The following EIF2B1 variants were observed in gnomAD, a reference collection of about 807,000 sequenced individuals.
The protein encoded by EIF2B1 is eukaryotic translation initiation factor 2B subunit alpha.
Under a neutral mutation model 36.8 loss-of-function variants are expected in EIF2B1, and 30 were observed. The ratio of observed to expected loss-of-function variants is 0.81; its 90% CI spans 0.61 to 1.10. EIF2B1 has a LOEUF of 1.10. Among genes scored for constraint, EIF2B1 ranks in the 50% least tolerant of loss-of-function variants. The pLI is 0.00. For synonymous variants in EIF2B1, 139 were observed against 142.2 expected, an observed-to-expected ratio of 0.98 and a Z score of 0.16; for missense variants, 271 against 374.8, an observed-to-expected ratio of 0.72 and a Z score of 2.29.
chr12:123,628,057 G>A (rs73416206), intron 4 of EIF2B1, among the ~76,000 whole-genome samples: 1,617 of 152,202 alleles, frequency 0.011, 31 homozygotes, highest in African/African-American at 0.036. Context: ...GACATAATCT[G>A]TTTTCTTTTC....
chr12:123,626,502 G>A lies in EIF2B1; in HGVS notation c.483-9C>T. ...CTTTGGCCATTTTCTTACTGAAGAT[G>A]ACATTTTGAGAACGTTAGAGAAAGT... On this transcript the variant is annotated splice_polypyrimidine_tract_variant and intron_variant, in intron 5 of 8. Coordinates refer to ENST00000424014, the MANE Select transcript of EIF2B1 (RefSeq NM_001414.4). 1 of 1,613,826 alleles carries A rather than the reference G, an allele frequency of 6.2e-7. No homozygotes were observed. Among genetic ancestry groups the A allele is most frequent in the Non-Finnish European group, 8.5e-7 (1 of 1,179,740 alleles).
rs1273908870 is a variant in EIF2B1, at chr12:123,630,525, T to C, written c.124A>G (p.Ile42Val). 8.1e-6 allele frequency: 13 copies of C among 1,612,454 alleles called. No individual in the cohort carries two copies. The highest frequency in any genetic ancestry group is 5.0e-5 in the Admixed American group (3 of 59,992). The change falls in exon 3 of 9, where the codon ATC becomes GTC. Residue 42 changes from isoleucine (I) to valine (V), a missense_variant. By Grantham distance (29) the Ile-to-Val change is conservative. Transcript: ENST00000424014. The surrounding 1 kb of genome is among the most constrained non-coding windows in gnomAD (Gnocchi z 4.6). ...GTGAGATTCGCCCTCAGACCCTGGA[T>C]TGTCTCCCCTGGAATGATCCAACAA... ...EFLKRDKGET[I>V]QGLRANLTSA...
chr12:123,627,276 C>A (rs1227982782), intron 4 of EIF2B1, 120 bp from the exon 5 acceptor site: 3 of 831,090 alleles, frequency 3.6e-6, no homozygotes, highest in Non-Finnish European at 6.1e-6. Context: ...CACAAATCAA[C>A]CACAACCAGA....
In EIF2B1 at chr12:123,621,473, C is replaced by A. The variant is rs1955097776; in HGVS notation, c.*283G>T. 2.3e-6 allele frequency: 1 copy of A among 430,656 alleles called. No individual in the cohort carries two copies. The highest frequency in any genetic ancestry group is 3.5e-5 in the Admixed American group (1 of 28,788). The allele number at this position is 430,656 out of a possible 1,614,324, so 26.7% of individuals were successfully genotyped here. On this transcript the variant is annotated 3_prime_UTR_variant, in exon 9 of 9. Coordinates refer to ENST00000424014, the MANE Select transcript of EIF2B1 (RefSeq NM_001414.4). ...AGGTGGACTTGGGCTCATCTTTCAT[C>A]AGTTAAGTAGCCAATTATCTAACTT...
chr12:123,632,286 G>T, intron 2 of EIF2B1, 59 bp downstream of exon 2: 7 of 916,406 alleles, frequency 7.6e-6, no homozygotes, highest in Non-Finnish European at 9.8e-6. Context: ...AAAAAAAAAA[G>T]AAAAGAAAAA....
rs754382992 is a variant in EIF2B1 at position 123,630,143 on chromosome 12, T to C, written c.369+26A>G. 1 of 1,605,622 alleles carries C rather than the reference T, an allele frequency of 6.2e-7. No individual in the cohort carries two copies. The highest frequency in any genetic ancestry group is 8.5e-7 in the Non-Finnish European group (1 of 1,173,002). ...CGGACTCGAAACCGTTGCTCCTCCT[T>C]ACCACCATGATGATTATCCACTCAC... On this transcript the variant is annotated intron_variant, in intron 4 of 8. Transcript: ENST00000424014. This position sits in a 1 kb window ranked among gnomAD's most constrained non-coding sequence, Gnocchi z 4.6.
intron 6 of EIF2B1, among the ~76,000 whole-genome samples, chr12:123,625,231 A>G (rs1213626255): frequency 6.6e-6 from 1 of 152,176 alleles, no homozygotes; most frequent in Non-Finnish European, 1.5e-5. Context: ...CTGAAGTTGG[A>G]CAAAAGTGTT....
intron 4 of EIF2B1, 57 bp from the exon 5 acceptor site, chr12:123,627,213 C>T (rs1156741020): frequency 2.2e-6 from 3 of 1,342,294 alleles, no homozygotes; most frequent in Non-Finnish European, 1.1e-6. Flanking sequence ...CACTCACACC[C>T]TCTGCACTGC....
At chr12:123,624,631 T>C (rs1015132591) in intron 7 of EIF2B1, among the ~76,000 whole-genome samples, 156 bp downstream of exon 7, 8 of 152,168 alleles carry the variant, frequency 5.3e-5, no homozygotes, top group Admixed American at 6.5e-5. Flanking sequence ...CCCATTGCTA[T>C]GACTTACGGG....
chr12:123,630,010 A>G lies in EIF2B1; in HGVS notation c.369+159T>C. 2.7e-6 allele frequency: 2 copies of G among 727,782 alleles called. No individual in the cohort carries two copies. 45.1% of individuals were successfully genotyped at this position (727,782 alleles called of 1,614,324 possible). A position where few individuals can be genotyped will look rare whatever the true frequency, so the allele number is the denominator to read the frequency against. ...ACAACAACCCAAGGAGGTAGGTACTATTGTCATCCTTATTTAACAGATGAG... is the reference window on the plus strand; with the variant it reads ...ACAACAACCCAAGGAGGTAGGTACTGTTGTCATCCTTATTTAACAGATGAG... On this transcript the variant is annotated intron_variant, in intron 4 of 8. Coordinates refer to ENST00000424014, the MANE Select transcript of EIF2B1 (RefSeq NM_001414.4). This position sits in a 1 kb window ranked among gnomAD's most constrained non-coding sequence, Gnocchi z 4.6.
Position 123,630,142 on chromosome 12 carries a change from T to G in EIF2B1, c.369+27A>C. On this transcript the variant is annotated intron_variant, in intron 4 of 8. Coordinates refer to ENST00000424014, the MANE Select transcript of EIF2B1 (RefSeq NM_001414.4). The surrounding 1 kb of genome is among the most constrained non-coding windows in gnomAD (Gnocchi z 4.6). ...TCGGACTCGAAACCGTTGCTCCTCC[T>G]TACCACCATGATGATTATCCACTCA... 6.2e-7 allele frequency: 1 copy of G among 1,605,500 alleles called. No homozygotes were observed. The highest frequency in any genetic ancestry group is 8.5e-7 in the Non-Finnish European group (1 of 1,172,898).
intron 4 of EIF2B1, among the ~76,000 whole-genome samples, chr12:123,628,247 G>A (rs1440213892): frequency 6.6e-6 from 1 of 151,872 alleles, no homozygotes; most frequent in African/African-American, 2.4e-5. Flanking sequence ...TGTAGAGACA[G>A]GGCCTCTCTC....
At chr12:123,629,661 T>G (rs1955173532) in intron 4 of EIF2B1, among the ~76,000 whole-genome samples, 1 of 151,988 alleles carries the variant, frequency 6.6e-6, no homozygotes, top group Non-Finnish European at 1.5e-5. Context: ...GGCTTGCTGG[T>G]GGGCACCTGT....
chr12:123,626,055 C>T (rs767287569), intron 6 of EIF2B1: 18 of 258,676 alleles, frequency 7.0e-5, no homozygotes, highest in Non-Finnish European at 1.4e-4. Context: ...ATCGCTTGAA[C>T]CTGGGAGGTG....
intron 5 of EIF2B1, 129 bp downstream of exon 5, chr12:123,626,915 A>C: frequency 4.9e-6 from 4 of 824,568 alleles, no homozygotes; most frequent in Non-Finnish European, 8.3e-6. Context: ...AGGAAAAGGT[A>C]CAATGAAAGG....
chr12:123,622,770 G>A lies in EIF2B1; in HGVS notation c.628-9C>T. ...ATCTGGTTGGTTCCAATCTGGGAAGGCAGAAAATGGAATGGATGAGCTCTA... is the reference window on the plus strand; with the variant it reads ...ATCTGGTTGGTTCCAATCTGGGAAGACAGAAAATGGAATGGATGAGCTCTA... On this transcript the variant is annotated splice_polypyrimidine_tract_variant and intron_variant, in intron 7 of 8. Coordinates refer to ENST00000424014, the MANE Select transcript of EIF2B1 (RefSeq NM_001414.4). 1 of 1,613,396 alleles carries A rather than the reference G, an allele frequency of 6.2e-7. No homozygotes were observed. The highest frequency in any genetic ancestry group is 8.5e-7 in the Non-Finnish European group (1 of 1,179,560).
rs114731186 is a variant in EIF2B1 at position 123,625,468 on chromosome 12, G to A, written c.552-606C>T. On this transcript the variant is annotated intron_variant, in intron 6 of 8. Transcript: ENST00000424014. ...TGGTCTCCAACTCCTGAACTCTAGC[G>A]ATCCACCTGCCTCAGGTATGAGCCA... Among the ~76,000 whole-genome samples, 1,069 of 152,124 alleles carry A rather than the reference G, an allele frequency of 7.0e-3. 8 individuals carry two copies. The highest frequency in any genetic ancestry group is 0.024 in the African/African-American group (1,002 of 41,498).
chr12:123,625,445 G>A (rs1197191981), intron 6 of EIF2B1, among the ~76,000 whole-genome samples: 2 of 152,008 alleles, frequency 1.3e-5, no homozygotes, highest in African/African-American at 4.8e-5. Flanking sequence ...GCCCAGGCTG[G>A]TCTCCAACTC....
intron 1 of EIF2B1, among the ~76,000 whole-genome samples, chr12:123,633,047 A>C (rs1174002306): frequency 2.6e-5 from 4 of 151,616 alleles, no homozygotes; most frequent in Admixed American, 2.6e-4. Context: ...TTGGTCCTAA[A>C]ATCTGAGAGG....
Sources: allele counts gnomAD v4.1 joint callset (sites outside exome capture counted in the v4.1 genomes callset), GRCh38; gene constraint gnomAD v4.1.1; non-coding constraint Gnocchi (gnomAD v3.1); transcripts MANE v1.5; gene names NCBI Gene and HGNC (gene_info 2026-07-23, HGNC 2026-07-21).